EFR3A: variants seen among roughly 807,000 people sequenced by gnomAD.
EFR3A encodes the protein EFR3 homolog A.
Under a neutral mutation model 104.4 loss-of-function variants are expected in EFR3A, and 76 were observed. That is an observed-to-expected ratio of 0.73 (90% CI 0.60 to 0.88). The LOEUF (loss-of-function observed/expected upper bound fraction) is 0.88, where lower values mean the gene tolerates loss of function less well. EFR3A is among the 40% of genes least tolerant of loss of function. The pLI is 0.00. For synonymous variants in EFR3A, 330 were observed against 330.0 expected (o/e 1.00, Z 0.00); for missense variants, 985 against 1,012.5 (o/e 0.97, Z 0.37).
intron 5 of EFR3A, among the ~76,000 whole-genome samples, chr8:131,951,829 T>C (rs1818718375): frequency 6.6e-6 from 1 of 152,144 alleles, no homozygotes; most frequent in Non-Finnish European, 1.5e-5. Flanking sequence ...TAAATTAAAA[T>C]GCTATTTAAT....
At chr8:131,927,733 A>G (rs1817372090) in intron 1 of EFR3A, among the ~76,000 whole-genome samples, 1 of 152,150 alleles carries the variant, frequency 6.6e-6, no homozygotes, top group Non-Finnish European at 1.5e-5. Context: ...GAGTTTATTC[A>G]TTTACAATTT....
At chr8:131,924,786 G>A (rs992992916) in intron 1 of EFR3A, among the ~76,000 whole-genome samples, 3 of 152,120 alleles carry the variant, frequency 2.0e-5, no homozygotes, top group Non-Finnish European at 1.5e-5. Context: ...CTCATTTCGT[G>A]TTCATGCTTG....
At chr8:131,925,455 A>C (rs1817250028) in intron 1 of EFR3A, among the ~76,000 whole-genome samples, 1 of 152,078 alleles carries the variant, frequency 6.6e-6, no homozygotes, top group Non-Finnish European at 1.5e-5. Context: ...AATGCATTGC[A>C]CTCCATTTCC....
intron 18 of EFR3A, among the ~76,000 whole-genome samples, chr8:131,989,674 AG>A (rs1289498589): frequency 1.3e-5 from 2 of 152,190 alleles, no homozygotes; most frequent in Non-Finnish European, 2.9e-5. Context: ...ATTTCTACTG[AG>A]TGCCTACAAT....
chr8:131,965,448 A>T (rs1440918305), intron 8 of EFR3A, among the ~76,000 whole-genome samples: 2 of 152,252 alleles, frequency 1.3e-5, no homozygotes, highest in Non-Finnish European at 2.9e-5. Flanking sequence ...CAGCCAAAAG[A>T]CACATGAGAT....
At chr8:131,954,007 T>A (rs376884841) in intron 6 of EFR3A, 40 bp downstream of exon 6, 28 of 1,457,968 alleles carry the variant, frequency 1.9e-5, no homozygotes, top group Non-Finnish European at 4.6e-6. Context: ...GTGTTACTTT[T>A]ATATATATGT....
At chr8:131,953,310 T>C (rs1818800785) in intron 5 of EFR3A, among the ~76,000 whole-genome samples, 1 of 152,116 alleles carries the variant, frequency 6.6e-6, no homozygotes, top group Non-Finnish European at 1.5e-5. Context: ...TTATCTCTGC[T>C]CCATTTCGAT....
intron 1 of EFR3A, among the ~76,000 whole-genome samples, chr8:131,912,678 TG>T (rs1431144338): frequency 4.6e-5 from 7 of 152,240 alleles, no homozygotes; most frequent in Admixed American, 6.5e-5. Flanking sequence ...ATTCTTAAGA[TG>T]TTTTTACAGC....
At chr8:131,933,497 T>G (rs1296833992) in intron 1 of EFR3A, among the ~76,000 whole-genome samples, 3 of 152,118 alleles carry the variant, frequency 2.0e-5, no homozygotes, top group African/African-American at 4.8e-5. Context: ...TTGTGTTAAT[T>G]TTTTTTCAAA....
intron 5 of EFR3A, among the ~76,000 whole-genome samples, chr8:131,952,296 G>T (rs1231693296): frequency 2.0e-5 from 3 of 152,166 alleles, no homozygotes; most frequent in Admixed American, 6.6e-5. Context: ...TGCTGTAGAT[G>T]TGACAGTTGT....
chr8:131,961,913 T>G (rs1309262349), intron 8 of EFR3A, among the ~76,000 whole-genome samples: 1 of 152,124 alleles, frequency 6.6e-6, no homozygotes, highest in Non-Finnish European at 1.5e-5. Flanking sequence ...TTCAACATTC[T>G]TAAAGAAAAG....
chr8:131,915,427 G>T (rs1816699939), intron 1 of EFR3A, among the ~76,000 whole-genome samples: 1 of 152,174 alleles, frequency 6.6e-6, no homozygotes, highest in African/African-American at 2.4e-5. Context: ...TTGTTTTCCT[G>T]TTGGATTTCT....
At chr8:131,969,966 A>G (rs1451860257) in intron 9 of EFR3A, among the ~76,000 whole-genome samples, 1 of 152,212 alleles carries the variant, frequency 6.6e-6, no homozygotes, top group African/African-American at 2.4e-5. Flanking sequence ...GAGGATTTAT[A>G]CAAAAAGCGA....
chr8:131,971,418 G>A (rs911886026), intron 10 of EFR3A, among the ~76,000 whole-genome samples: 7 of 152,130 alleles, frequency 4.6e-5, no homozygotes, highest in Admixed American at 3.9e-4. Context: ...GCCGTGCGCG[G>A]TGGCTCACAC....
At chr8:131,934,688 G>A in intron 1 of EFR3A, among the ~76,000 whole-genome samples, 1 of 151,912 alleles carries the variant, frequency 6.6e-6, no homozygotes, top group Non-Finnish European at 1.5e-5. Context: ...ACGTGTGTGT[G>A]TGTGTATATT....
chr8:131,936,287 GCTT>G (rs1817875909), intron 1 of EFR3A, among the ~76,000 whole-genome samples: 1 of 152,096 alleles, frequency 6.6e-6, no homozygotes, highest in Non-Finnish European at 1.5e-5. Flanking sequence ...CAAACTGCTT[GCTT>G]CTTCTACTAT....
intron 1 of EFR3A, among the ~76,000 whole-genome samples, chr8:131,922,857 G>A (rs28414750): frequency 0.39 from 58,927 of 151,886 alleles, 11,776 homozygotes; most frequent in East Asian, 0.61. Context: ...CCAACTCAGT[G>A]TCATAAGTTG....
intron 1 of EFR3A, among the ~76,000 whole-genome samples, chr8:131,918,110 A>C (rs1384381312): frequency 1.3e-5 from 2 of 152,178 alleles, no homozygotes; most frequent in Non-Finnish European, 2.9e-5. Flanking sequence ...AACATGGTGA[A>C]ACCCCATCTC....
chr8:132,010,993 T>C lies in EFR3A; in HGVS notation c.*98T>C. 1 of 1,345,190 alleles carries C rather than the reference T, an allele frequency of 7.4e-7. No individual in the cohort carries two copies. The highest frequency in any genetic ancestry group is 9.7e-7 in the Non-Finnish European group (1 of 1,032,018). 83.3% of individuals were successfully genotyped at this position (1,345,190 alleles called of 1,614,324 possible). ...ACTTAATGTGTATTAACATACTTCT[T>C]GAAAATAATGATGGAACATATCTTT... On this transcript the variant is annotated 3_prime_UTR_variant, in exon 23 of 23. Coordinates refer to ENST00000254624, the MANE Select transcript of EFR3A (RefSeq NM_015137.6).
Sources: allele counts gnomAD v4.1 joint callset (sites outside exome capture counted in the v4.1 genomes callset), GRCh38; gene constraint gnomAD v4.1.1; transcripts MANE v1.5; gene names NCBI Gene and HGNC (gene_info 2026-07-23, HGNC 2026-07-21).